DCC: variants seen among roughly 807,000 people sequenced by gnomAD.
DCC encodes netrin receptor DCC.
A neutral mutation model predicts 172.5 loss-of-function variants in DCC; 58 were observed. The observed-to-expected ratio is 0.34, with a 90% CI of 0.27 to 0.42. DCC has a LOEUF of 0.42. Among genes scored for constraint, DCC ranks in the 10% least tolerant of loss-of-function variants. The probability of loss-of-function intolerance (pLI) is 1.00; values close to 1 mark genes in which losing one functional copy is unlikely to be tolerated. For missense variants in DCC, 1,740 were observed against 1,791.0 expected, an observed-to-expected ratio of 0.97 and a Z score of 0.51; for synonymous variants, 709 against 644.5, an observed-to-expected ratio of 1.10 and a Z score of -1.52.
chr18:52,970,981 A>G (rs2041021157), intron 5 of DCC, among the ~76,000 whole-genome samples: 1 of 152,182 alleles, frequency 6.6e-6, no homozygotes, highest in African/African-American at 2.4e-5. Flanking sequence ...TCTGGGGAAT[A>G]AGAGAGGGTC....
chr18:53,378,441 A>C (rs960251673), intron 15 of DCC, among the ~76,000 whole-genome samples: 1 of 152,156 alleles, frequency 6.6e-6, no homozygotes, highest in African/African-American at 2.4e-5. Flanking sequence ...GGAAGGATGA[A>C]GATTGAATGT....
chr18:52,987,561 T>C (rs1416527168), intron 5 of DCC, among the ~76,000 whole-genome samples: 1 of 152,182 alleles, frequency 6.6e-6, no homozygotes. Context: ...TTCATCTATT[T>C]CTATATAGGT....
chr18:53,074,071 A>G (rs1480136522), intron 7 of DCC, among the ~76,000 whole-genome samples: 1 of 152,166 alleles, frequency 6.6e-6, no homozygotes, highest in African/African-American at 2.4e-5. Context: ...CTAAGCAACT[A>G]CGTATGAGAG....
chr18:53,155,369 C>T (rs1186640325), intron 7 of DCC, among the ~76,000 whole-genome samples: 4 of 152,150 alleles, frequency 2.6e-5, no homozygotes, highest in African/African-American at 7.2e-5. Context: ...CAAATGGGTA[C>T]CTGTGATTTG....
At chr18:52,542,625 C>T (rs2032492891) in intron 1 of DCC, among the ~76,000 whole-genome samples, 1 of 152,092 alleles carries the variant, frequency 6.6e-6, no homozygotes, top group African/African-American at 2.4e-5. Context: ...CACTTGAGGT[C>T]AGGAGTTTGA....
chr18:52,420,270 C>G (rs1987202204), intron 1 of DCC, among the ~76,000 whole-genome samples: 1 of 152,172 alleles, frequency 6.6e-6, no homozygotes. Context: ...AACTCAATCT[C>G]TAGACCCAAG....
At chr18:53,519,251 A>T (rs2046372993) in intron 27 of DCC, among the ~76,000 whole-genome samples, 1 of 152,130 alleles carries the variant, frequency 6.6e-6, no homozygotes, top group Non-Finnish European at 1.5e-5. Context: ...AAGGTCACAA[A>T]ACTAGGTCCT....
At chr18:53,415,484 G>A (rs1056591473) in intron 20 of DCC, among the ~76,000 whole-genome samples, 4 of 151,648 alleles carry the variant, frequency 2.6e-5, no homozygotes, top group African/African-American at 7.3e-5. Flanking sequence ...GTTTCATCTG[G>A]TTAGCAGAAA....
chr18:52,672,180 G>A (rs982846933), intron 1 of DCC, among the ~76,000 whole-genome samples: 6 of 152,146 alleles, frequency 3.9e-5, no homozygotes, highest in Non-Finnish European at 4.4e-5. Flanking sequence ...AGTATACAAC[G>A]TGGGTATTAA....
chr18:53,030,515 T>C (rs549392534), intron 5 of DCC, among the ~76,000 whole-genome samples: 1 of 152,066 alleles, frequency 6.6e-6, no homozygotes, highest in Admixed American at 6.6e-5. Context: ...GCTGGAAATA[T>C]GTTCACTACT....
chr18:52,391,336 G>GT (rs1427919761), intron 1 of DCC, among the ~76,000 whole-genome samples: 2 of 152,038 alleles, frequency 1.3e-5, no homozygotes, highest in Non-Finnish European at 2.9e-5. Context: ...CAGACTGTGT[G>GT]TTTTTTAAGC....
intron 23 of DCC, among the ~76,000 whole-genome samples, chr18:53,452,883 TTAGTG>T (rs373503139): frequency 3.4e-5 from 5 of 146,968 alleles, no homozygotes; most frequent in South Asian, 2.2e-4. Context: ...GAACTATAGT[TTAGTG>T]GGGTTTGTTT....
At chr18:52,805,847 A>AG (rs1251696915) in intron 2 of DCC, among the ~76,000 whole-genome samples, 8 of 152,228 alleles carry the variant, frequency 5.3e-5, no homozygotes, top group Non-Finnish European at 1.0e-4. Flanking sequence ...CTCAAGAGAT[A>AG]GGCAGTACCA....
chr18:53,399,399 C>T (rs1456690707), intron 18 of DCC, among the ~76,000 whole-genome samples: 1 of 152,066 alleles, frequency 6.6e-6, no homozygotes, highest in African/African-American at 2.4e-5. Flanking sequence ...GATATTGCTA[C>T]CAAGCTTTCA....
chr18:52,387,604 T>TTCCTTCCTTCC (rs1985859280), intron 1 of DCC, among the ~76,000 whole-genome samples: 1 of 150,640 alleles, frequency 6.6e-6, no homozygotes, highest in African/African-American at 2.4e-5. Flanking sequence ...CCTTCCTTCC[T>TTCCTTCCTTCC]TCCTTCCTTC....
At chr18:52,543,975 A>G (rs2032539008) in intron 1 of DCC, among the ~76,000 whole-genome samples, 1 of 152,234 alleles carries the variant, frequency 6.6e-6, no homozygotes, top group Non-Finnish European at 1.5e-5. Context: ...AAACGCTTAC[A>G]AAAGAAAAAT....
At chr18:52,789,123 C>T (rs548018269) in intron 2 of DCC, among the ~76,000 whole-genome samples, 1 of 152,236 alleles carries the variant, frequency 6.6e-6, no homozygotes, top group East Asian at 1.9e-4. Context: ...CACTAAAGCT[C>T]TATCATGATG....
At chr18:52,728,558 T>G (rs1299846061) in intron 1 of DCC, among the ~76,000 whole-genome samples, 3 of 152,202 alleles carry the variant, frequency 2.0e-5, no homozygotes, top group Admixed American at 2.0e-4. Flanking sequence ...ATATGAGAGA[T>G]CATTTCCTCA....
chr18:53,193,586 G>C (rs987582126), intron 9 of DCC, among the ~76,000 whole-genome samples: 1 of 152,022 alleles, frequency 6.6e-6, no homozygotes, highest in African/African-American at 2.4e-5. Context: ...CTAAATCTCT[G>C]ATTCTGGAGG....
Sources: gnomAD v4.1 joint callset for allele counts (sites outside exome capture counted in the v4.1 genomes callset) on GRCh38, gnomAD v4.1.1 for gene constraint, MANE v1.5 for transcripts, NCBI Gene and HGNC (gene_info 2026-07-23, HGNC 2026-07-21) for gene names.